Variants in WDR44 observed in about 807,000 individuals in gnomAD.
The protein encoded by WDR44 is WD repeat domain 44, also known as WD repeat-containing protein 44.
Under a neutral mutation model 65.7 loss-of-function variants are expected in WDR44, and 9 were observed. The ratio of observed to expected loss-of-function variants is 0.14; its 90% CI spans 0.08 to 0.24. The LOEUF is 0.24. WDR44 is among the 10% of genes least tolerant of loss of function. The probability of loss-of-function intolerance (pLI) is 1.00; values close to 1 mark genes in which losing one functional copy is unlikely to be tolerated. For missense variants in WDR44, 425 were observed against 670.9 expected, an observed-to-expected ratio of 0.63 and a Z score of 4.05; for synonymous variants, 220 against 235.2, an observed-to-expected ratio of 0.94 and a Z score of 0.59.
Position 118,412,532 on chromosome X carries a change from A to T in WDR44, c.1737+1573A>T, listed in dbSNP as rs182902786. Among the ~76,000 whole-genome samples, 135 of 111,089 alleles carry T rather than the reference A, an allele frequency of 1.2e-3. 1 individual carries two copies. Among genetic ancestry groups the T allele is most frequent in the Non-Finnish European group, 3.2e-4 (17 of 52,986 alleles). ...GTTACTTCCGATTTTGATGATTATG[A>T]TACCAGTAGAGCTAGAAACTGTAAA... On this transcript the variant is annotated intron_variant, in intron 12 of 19. Transcript: ENST00000254029.
At chrX:118,435,475 G>A (rs560878364) in intron 13 of WDR44, among the ~76,000 whole-genome samples, 1 of 111,232 alleles carries the variant, frequency 9.0e-6, no homozygotes, top group Middle Eastern at 4.6e-3. Flanking sequence ...TGGAGATGGG[G>A]TTTCACCATG....
intron 2 of WDR44, 51 bp downstream of exon 2, chrX:118,378,503 T>C (rs2056682131): frequency 1.8e-6 from 2 of 1,120,605 alleles, no homozygotes; most frequent in South Asian, 3.8e-5. Context: ...ATACTTTTTA[T>C]TCGTGTTTTT....
chrX:118,358,390 T>A (rs749590579), intron 1 of WDR44, among the ~76,000 whole-genome samples: 1 of 112,042 alleles, frequency 8.9e-6, no homozygotes, highest in East Asian at 2.8e-4. Context: ...TAGTTTTAAA[T>A]TTTAAATATG....
intron 1 of WDR44, among the ~76,000 whole-genome samples, 182 bp from the exon 2 acceptor site, chrX:118,378,237 G>A (rs1257493922): frequency 8.9e-6 from 1 of 112,475 alleles, no homozygotes; most frequent in African/African-American, 3.2e-5. Flanking sequence ...ACAGGCGTGA[G>A]CCACTGCGCC....
At chrX:118,382,226 TG>T (rs2056724738) in intron 2 of WDR44, among the ~76,000 whole-genome samples, 1 of 104,726 alleles carries the variant, frequency 9.5e-6, no homozygotes, top group South Asian at 4.2e-4. Context: ...GCTGCCAAGG[TG>T]GTTTTTTTGT....
chrX:118,412,365 A>G (rs2057019415), intron 12 of WDR44, among the ~76,000 whole-genome samples: 1 of 111,571 alleles, frequency 9.0e-6, no homozygotes, highest in Admixed American at 9.5e-5. Context: ...GCTTTGAAGG[A>G]TTTCACTCAG....
At chrX:118,440,120 C>CAAAAAA (rs36033722) in intron 14 of WDR44, among the ~76,000 whole-genome samples, 1 of 68,721 alleles carries the variant, frequency 1.5e-5, no homozygotes, top group African/African-American at 5.0e-5. Flanking sequence ...ACCCCATCAC[C>CAAAAAA]AAAAAAAAAA....
intron 1 of WDR44, among the ~76,000 whole-genome samples, chrX:118,349,560 A>ATTT: frequency 1.1e-5 from 1 of 93,264 alleles, no homozygotes. Flanking sequence ...TATGAGGAAC[A>ATTT]TTTTTTTTTT....
chrX:118,441,512 G>A lies in WDR44; in HGVS notation c.2119G>A (p.Ala707Thr). The A allele has an allele frequency of 1.7e-6, 2 of 1,211,046 alleles. No individual in the cohort carries two copies. Among genetic ancestry groups the A allele is most frequent in the Non-Finnish European group, 2.2e-6 (2 of 895,015 alleles). The change falls in exon 15 of 20, where the codon GCA becomes ACA. Residue 707 changes from alanine to threonine, a missense_variant. Transcript: ENST00000254029. ...AAATTTCTGTCAGAATGGCAAATATGCAGTGATTGGGACATATGATGGCAG... is the reference window on the plus strand; with the variant it reads ...AAATTTCTGTCAGAATGGCAAATATACAGTGATTGGGACATATGATGGCAG... ...AANFCQNGKY[A>T]VIGTYDGRCI...
intron 8 of WDR44, among the ~76,000 whole-genome samples, chrX:118,399,875 C>G (rs2056896399): frequency 9.0e-6 from 1 of 111,168 alleles, no homozygotes. Flanking sequence ...CACTTGAGCC[C>G]AGGAGTTTGA....
At chrX:118,376,682 T>G (rs760473666) in intron 1 of WDR44, among the ~76,000 whole-genome samples, 7 of 109,464 alleles carry the variant, frequency 6.4e-5, no homozygotes, top group Non-Finnish European at 1.1e-4. Flanking sequence ...GGGGAAAGGG[T>G]GAAATGGTGA....
intron 10 of WDR44, 37 bp from the exon 11 acceptor site, chrX:118,409,452 T>C: frequency 8.3e-7 from 1 of 1,198,649 alleles, no homozygotes; most frequent in Non-Finnish European, 1.1e-6. Context: ...TCTAAAGGTG[T>C]AAAGTATTAA....
intron 10 of WDR44, 100 bp from the exon 11 acceptor site, chrX:118,409,389 C>G: frequency 2.1e-6 from 2 of 943,356 alleles, no homozygotes; most frequent in Non-Finnish European, 2.9e-6. Flanking sequence ...CTCAGCCTCC[C>G]AAAGTGCTGA....
chrX:118,374,484 A>G (rs1223704358), intron 1 of WDR44, among the ~76,000 whole-genome samples: 7 of 111,887 alleles, frequency 6.3e-5, no homozygotes, highest in Non-Finnish European at 1.3e-4. Context: ...AAATGTTCCT[A>G]CCTACCAAGG....
rs201841586 is a variant in WDR44 at position 118,381,459 on chromosome X, ACT to A, written c.111+3010_111+3011del. ...ACTCCACCCTGGACGATAGAGTGAG[ACT>A]CTGTCTCAAGTTAAAAAAAAATTTA... On this transcript the variant is annotated intron_variant, in intron 2 of 19. Coordinates refer to ENST00000254029, the MANE Select transcript of WDR44 (RefSeq NM_019045.5). Among the ~76,000 whole-genome samples, 537 of 110,206 alleles carry A rather than the reference ACT, an allele frequency of 4.9e-3. 3 individuals carry two copies. Among genetic ancestry groups the A allele is most frequent in the African/African-American group, 0.017 (515 of 30,360 alleles).
intron 1 of WDR44, among the ~76,000 whole-genome samples, chrX:118,351,769 G>T (rs1342097544): frequency 9.1e-6 from 1 of 110,281 alleles, no homozygotes; most frequent in African/African-American, 3.3e-5. Flanking sequence ...GGCCAACGTG[G>T]TCAAACCCCA....
chrX:118,365,225 C>T (rs2056543071), intron 1 of WDR44, among the ~76,000 whole-genome samples: 1 of 112,206 alleles, frequency 8.9e-6, no homozygotes, highest in Non-Finnish European at 1.9e-5. Context: ...GAGCAATCAA[C>T]CAAAATACCT....
At chrX:118,366,868 C>A (rs960458672) in intron 1 of WDR44, among the ~76,000 whole-genome samples, 1 of 111,658 alleles carries the variant, frequency 9.0e-6, no homozygotes, top group Admixed American at 9.5e-5. Flanking sequence ...GAGACCGAGG[C>A]GGGCAGATGA....
At chrX:118,420,097 C>T (rs1014191409) in intron 12 of WDR44, among the ~76,000 whole-genome samples, 2 of 110,237 alleles carry the variant, frequency 1.8e-5, no homozygotes, top group Non-Finnish European at 3.8e-5. Flanking sequence ...AATTGTCACA[C>T]ACATCGTCTA....
Sources: allele counts gnomAD v4.1 joint callset (sites outside exome capture counted in the v4.1 genomes callset), GRCh38; gene constraint gnomAD v4.1.1; transcripts MANE v1.5; gene names NCBI Gene and HGNC (gene_info 2026-07-23, HGNC 2026-07-21).